HCRTR2: variants seen among roughly 807,000 people sequenced by gnomAD.
The protein encoded by HCRTR2 is orexin receptor type 2.
Under a neutral mutation model 49.0 loss-of-function variants are expected in HCRTR2, and 22 were observed. That is an observed-to-expected ratio of 0.45 (90% confidence interval 0.32 to 0.64). HCRTR2 has a LOEUF of 0.64. Ranked by LOEUF, HCRTR2 falls within the 30% of genes least tolerant of loss-of-function variation. HCRTR2 has a pLI of 0.04. For synonymous variants in HCRTR2, 236 were observed against 205.3 expected, an observed-to-expected ratio of 1.15 and a Z score of -1.28; for missense variants, 491 against 559.4, an observed-to-expected ratio of 0.88 and a Z score of 1.23.
At chr6:55,144,008 A>G (rs1764544195) in intron 1 of HCRTR2, among the ~76,000 whole-genome samples, 1 of 152,032 alleles carries the variant, frequency 6.6e-6, no homozygotes, top group African/African-American at 2.4e-5. Context: ...ATGTTTGGGA[A>G]AAGGGAACCA....
intron 3 of HCRTR2, among the ~76,000 whole-genome samples, chr6:55,261,029 T>A (rs139688349): frequency 4.6e-4 from 70 of 152,192 alleles, no homozygotes; most frequent in Non-Finnish European, 7.1e-4. Context: ...ACAAAGTATG[T>A]AAATTTTAGA....
At position 55,199,842 on chromosome 6, in the gene HCRTR2, G is replaced by T. The variant is rs1417515564; in HGVS notation, c.223+25032G>T. Reference sequence around the variant, plus strand: ...ATGAAGGAAATGAAAAATATATAAGGGAAGGATTTAATCAGTCAGGCAAAA... The same window carrying T: ...ATGAAGGAAATGAAAAATATATAAGTGAAGGATTTAATCAGTCAGGCAAAA... On this transcript the variant is annotated intron_variant, in intron 1 of 6. Coordinates refer to ENST00000370862, the MANE Select transcript of HCRTR2 (RefSeq NM_001384272.1). 3.9e-5 allele frequency among the ~76,000 whole-genome samples: 6 copies of T among 152,086 alleles called. No individual in the cohort carries two copies. In the South Asian group the frequency reaches 1.0e-3, roughly 26 times the overall value.
intron 1 of HCRTR2, among the ~76,000 whole-genome samples, chr6:55,145,939 A>G (rs990784159): frequency 1.3e-5 from 2 of 152,100 alleles, no homozygotes; most frequent in Admixed American, 1.3e-4. Context: ...CAAAAAAATG[A>G]CCATCAGCAG....
chr6:55,217,102 G>A (rs1328796595), intron 1 of HCRTR2, among the ~76,000 whole-genome samples: 1 of 152,194 alleles, frequency 6.6e-6, no homozygotes, highest in African/African-American at 2.4e-5. Context: ...GAAGGGAGCA[G>A]AGGAGTCCTG....
At chr6:55,162,487 G>A (rs1007530812) in intron 1 of HCRTR2, among the ~76,000 whole-genome samples, 2 of 152,146 alleles carry the variant, frequency 1.3e-5, no homozygotes, top group South Asian at 2.1e-4. Context: ...GTTCTGGCCA[G>A]GGCAATCAGG....
At chr6:55,171,742 T>C (rs1423010950), upstream of HCRTR2, among the ~76,000 whole-genome samples, 1 of 152,198 alleles carries the variant, frequency 6.6e-6, no homozygotes, top group African/African-American at 2.4e-5. Context: ...AATATTTTCA[T>C]TTCTCGTTAT....
chr6:55,192,689 A>G (rs1189687459), intron 1 of HCRTR2, among the ~76,000 whole-genome samples: 2 of 152,236 alleles, frequency 1.3e-5, no homozygotes, highest in Non-Finnish European at 2.9e-5. Flanking sequence ...GATTGATAAA[A>G]CATTTCAAAC....
intron 1 of HCRTR2, among the ~76,000 whole-genome samples, chr6:55,239,739 T>C (rs1766285094): frequency 6.6e-6 from 1 of 151,906 alleles, no homozygotes; most frequent in Non-Finnish European, 1.5e-5. Flanking sequence ...GAAACACATT[T>C]AAGATACATT....
intron 1 of HCRTR2, among the ~76,000 whole-genome samples, chr6:55,189,994 T>C (rs936976635): frequency 4.6e-5 from 7 of 152,188 alleles, no homozygotes; most frequent in African/African-American, 1.4e-4. Flanking sequence ...TTCCCCAACA[T>C]GCTATTCACA....
At chr6:55,209,821 T>C (rs9475197) in intron 1 of HCRTR2, among the ~76,000 whole-genome samples, 2 of 152,152 alleles carry the variant, frequency 1.3e-5, no homozygotes, top group Non-Finnish European at 2.9e-5. Context: ...CTGCTTTTTG[T>C]TTCAGGTTGT....
chr6:55,263,659 G>A (rs199867790), intron 3 of HCRTR2, 48 bp from the exon 4 acceptor site: 7 of 954,186 alleles, frequency 7.3e-6, no homozygotes. Context: ...TTTTTTAAAA[G>A]TCCATCAATT....
intron 1 of HCRTR2, among the ~76,000 whole-genome samples, chr6:55,177,585 A>G (rs1171113804): frequency 1.3e-5 from 2 of 152,200 alleles, no homozygotes; most frequent in Non-Finnish European, 2.9e-5. Context: ...CTGAGCCTTC[A>G]GGTCCAGTCA....
rs903562660 is a variant in HCRTR2 at position 55,212,382 on chromosome 6, A to G, written c.224-36257A>G. ...AGTAACATGCCCAGCTTCAGAAATG[A>G]GTCATGATTTTTCTAAAGCAACAAT... On this transcript the variant is annotated intron_variant, in intron 1 of 6. Transcript: ENST00000370862. 2.6e-5 allele frequency among the ~76,000 whole-genome samples: 4 copies of G among 152,254 alleles called. No individual in the cohort carries two copies. The East Asian group carries it at 5.8e-4, about 22-fold the overall frequency.
intron 5 of HCRTR2, among the ~76,000 whole-genome samples, chr6:55,279,893 T>C (rs1211593703): frequency 1.3e-5 from 2 of 152,054 alleles, no homozygotes; most frequent in Admixed American, 6.6e-5. Context: ...AGGCATATGA[T>C]ACTTTGATCA....
chr6:55,197,804 G>A (rs2127282209), intron 1 of HCRTR2, among the ~76,000 whole-genome samples: 1 of 152,128 alleles, frequency 6.6e-6, no homozygotes, highest in Non-Finnish European at 1.5e-5. Flanking sequence ...TGTATTTTTG[G>A]CAGAGATGGG....
chr6:55,204,285 A>G (rs997122110), intron 1 of HCRTR2, among the ~76,000 whole-genome samples: 1 of 152,118 alleles, frequency 6.6e-6, no homozygotes, highest in African/African-American at 2.4e-5. Flanking sequence ...GTTCTACACC[A>G]TTACCCAGAG....
At chr6:55,281,146 T>G (rs1767182761) in intron 6 of HCRTR2, among the ~76,000 whole-genome samples, 1 of 152,196 alleles carries the variant, frequency 6.6e-6, no homozygotes, top group African/African-American at 2.4e-5. Flanking sequence ...CTTTGTTATT[T>G]CTATCTTCAA....
At position 55,280,363 on chromosome 6, in the gene HCRTR2, G is replaced by GA; in HGVS notation, c.1024_1025insA (p.Val342AspfsTer16). 6.2e-7 allele frequency: 1 copy of GA among 1,612,298 alleles called. No homozygotes were observed. The highest frequency in any genetic ancestry group is 8.5e-7 in the Non-Finnish European group (1 of 1,178,426). On this transcript the variant is annotated frameshift_variant, in exon 6 of 7. Coordinates refer to ENST00000370862, the MANE Select transcript of HCRTR2 (RefSeq NM_001384272.1). LOFTEE classifies it high-confidence loss of function. ...TGCCCATACTGAAGACAGAGAGACT[G>GA]TGTATGCCTGGTTTACCTTTTCACA...
chr6:55,118,209 T>A (rs1324548004), intron 1 of HCRTR2, among the ~76,000 whole-genome samples: 1 of 151,924 alleles, frequency 6.6e-6, no homozygotes, highest in Non-Finnish European at 1.5e-5. Context: ...GCTCCATCCA[T>A]GTTCCTATAA....
Sources: gnomAD v4.1 joint callset for allele counts (sites outside exome capture counted in the v4.1 genomes callset) on GRCh38, gnomAD v4.1.1 for gene constraint, MANE v1.5 for transcripts, NCBI Gene and HGNC (gene_info 2026-07-23, HGNC 2026-07-21) for gene names.